KAZN: variants seen among roughly 807,000 people sequenced by gnomAD.
The protein encoded by KAZN is kazrin.
A neutral mutation model predicts 87.4 loss-of-function variants in KAZN; 40 were observed. That is an observed-to-expected ratio of 0.46 (90% CI 0.36 to 0.60). KAZN has a LOEUF of 0.60. Ranked by LOEUF, KAZN falls within the 20% of genes least tolerant of loss-of-function variation. KAZN has a pLI of 0.00. For missense variants in KAZN, 898 were observed against 1,073.9 expected (o/e 0.84, Z 2.29); for synonymous variants, 466 against 458.3 (o/e 1.02, Z -0.22).
chr1:14,599,188 C>T lies in KAZN; in HGVS notation c.191C>T (p.Ala64Val). Residue 64 changes from alanine to valine, a missense_variant, in exon 1 of 15, where the codon GCG becomes GTG. Physicochemically the swap from Ala to Val is moderately conservative, Grantham distance 64. Around this residue, in one of 3 missense-constraint regions of KAZN, gnomAD observed 250 missense variants for 263.0 expected, o/e 0.95. Coordinates refer to ENST00000376030, the MANE Select transcript of KAZN (RefSeq NM_201628.3). The surrounding 1 kb of genome is among the most constrained non-coding windows in gnomAD (Gnocchi z 4.4). ...GCCTCGGCGGCGGGGGACTCGGCGGCGACGAACATGGAGAACCCCCAGCTT... is the reference window on the plus strand; with the variant it reads ...GCCTCGGCGGCGGGGGACTCGGCGGTGACGAACATGGAGAACCCCCAGCTT... ...ASASAAGDSA[A>V]TNMENPQLGA... is the part of the protein sequence containing the mutation. 7.2e-7 allele frequency: 1 copy of T among 1,391,092 alleles called. No homozygotes were observed. The highest frequency in any genetic ancestry group is 9.3e-7 in the Non-Finnish European group (1 of 1,074,522). The allele number at this position is 1,391,092 out of a possible 1,614,324, so 86.2% of individuals were successfully genotyped here.
intron 1 of KAZN, among the ~76,000 whole-genome samples, chr1:14,896,509 T>C (rs1655293261): frequency 6.6e-6 from 1 of 152,216 alleles, no homozygotes; most frequent in Non-Finnish European, 1.5e-5. Context: ...TTGGTTAAAT[T>C]GGCTGGAATT....
intron 1 of KAZN, among the ~76,000 whole-genome samples, chr1:14,066,797 C>T (rs1015586874): frequency 3.3e-5 from 5 of 152,160 alleles, no homozygotes; most frequent in African/African-American, 4.8e-5. Context: ...CCAAATTCTG[C>T]CATCTGTACA....
At chr1:14,364,300 C>T (rs569339475) in intron 2 of KAZN, among the ~76,000 whole-genome samples, 3 of 152,228 alleles carry the variant, frequency 2.0e-5, no homozygotes, top group South Asian at 4.1e-4. Flanking sequence ...AAGGGGAACA[C>T]GATTTACTAA....
chr1:14,801,099 G>C (rs911012020), intron 1 of KAZN, among the ~76,000 whole-genome samples: 1 of 151,982 alleles, frequency 6.6e-6, no homozygotes, highest in Non-Finnish European at 1.5e-5. Flanking sequence ...GGGGCGCAGA[G>C]GGTGGTGATA....
intron 1 of KAZN, among the ~76,000 whole-genome samples, chr1:14,861,191 A>G (rs886518994): frequency 6.6e-6 from 1 of 152,214 alleles, no homozygotes; most frequent in African/African-American, 2.4e-5. Context: ...CAGCCTGGCC[A>G]ACATAGTGAA....
chr1:15,072,789 T>C (rs890178065), intron 8 of KAZN, among the ~76,000 whole-genome samples: 1 of 152,152 alleles, frequency 6.6e-6, no homozygotes, highest in Admixed American at 6.5e-5. Flanking sequence ...TCCATGTTCT[T>C]GGTAACTTTG....
chr1:14,498,002 C>A (rs545542482), intron 2 of KAZN, among the ~76,000 whole-genome samples: 4 of 152,164 alleles, frequency 2.6e-5, no homozygotes, highest in African/African-American at 9.7e-5. Flanking sequence ...AATTTCTATC[C>A]GGTTTCCCTT....
intron 2 of KAZN, among the ~76,000 whole-genome samples, chr1:14,217,947 A>T (rs1250509870): frequency 6.6e-6 from 1 of 152,164 alleles, no homozygotes; most frequent in African/African-American, 2.4e-5. Context: ...CTAAATTGAC[A>T]TTCACATGAA....
In KAZN at chr1:14,975,474, G is replaced by C. The variant is rs147388848; in HGVS notation, c.418+14599G>C. Among the ~76,000 whole-genome samples the C allele has an allele frequency of 2.0e-5, 3 of 152,256 alleles. No homozygotes were observed. The East Asian group carries it at 5.8e-4, about 29-fold the overall frequency. On this transcript the variant is annotated intron_variant, in intron 2 of 14. Transcript: ENST00000376030. ...AGAGGAACGTTCTAATTTCAGCTTA[G>C]GGCCTGGTGCTATGGCTGGGAAAAG... is the stretch of plus-strand genomic sequence containing the variant.
chr1:14,216,916 A>G (rs1483038008), intron 2 of KAZN, among the ~76,000 whole-genome samples: 1 of 152,196 alleles, frequency 6.6e-6, no homozygotes, highest in Non-Finnish European at 1.5e-5. Flanking sequence ...AAAAATAAAA[A>G]AAGTTTAAAA....
At chr1:14,861,183 GCCTGGCCAACATAGTGAAAC>G (rs1650804892) in intron 1 of KAZN, among the ~76,000 whole-genome samples, 1 of 152,216 alleles carries the variant, frequency 6.6e-6, no homozygotes, top group Non-Finnish European at 1.5e-5. Context: ...TTTGAGACCA[GCCTGGCCAACATAGTGAAAC>G]CCTGTCTCTA....
chr1:14,623,057 C>T (rs1157682598), intron 1 of KAZN, among the ~76,000 whole-genome samples: 1 of 152,024 alleles, frequency 6.6e-6, no homozygotes, highest in Non-Finnish European at 1.5e-5. Context: ...GACAATTTCT[C>T]ACAGAAAATC....
intron 1 of KAZN, among the ~76,000 whole-genome samples, chr1:13,942,929 T>C (rs1457515744): frequency 1.3e-5 from 2 of 152,100 alleles, no homozygotes; most frequent in Non-Finnish European, 2.9e-5. Context: ...AGTAGTAACC[T>C]ACATAGTGAA....
intron 2 of KAZN, among the ~76,000 whole-genome samples, chr1:14,542,282 C>A (rs1169306584): frequency 1.5e-4 from 16 of 104,546 alleles, no homozygotes; most frequent in Non-Finnish European, 2.7e-4. Flanking sequence ...CATCACACAC[C>A]GGGGACTGTT....
At chr1:14,459,660 G>A (rs1180473858) in intron 2 of KAZN, among the ~76,000 whole-genome samples, 2 of 152,144 alleles carry the variant, frequency 1.3e-5, no homozygotes, top group East Asian at 3.9e-4. Context: ...CAAGCCAAAT[G>A]TAAGCTGCAG....
chr1:14,927,049 G>A (rs1304745307), intron 1 of KAZN, among the ~76,000 whole-genome samples: 1 of 152,216 alleles, frequency 6.6e-6, no homozygotes, highest in East Asian at 1.9e-4. Context: ...GACTAGAGCA[G>A]GAGGTGCAGA....
At chr1:14,950,677 A>G (rs561720424) in intron 1 of KAZN, among the ~76,000 whole-genome samples, 45 of 152,264 alleles carry the variant, frequency 3.0e-4, no homozygotes, top group African/African-American at 9.4e-4. Context: ...GTAGAGAGCC[A>G]GTGTGGCTGC....
At chr1:14,755,067 C>T (rs1272448966) in intron 1 of KAZN, among the ~76,000 whole-genome samples, 1 of 139,058 alleles carries the variant, frequency 7.2e-6, no homozygotes, top group African/African-American at 2.8e-5. Context: ...CATGGAGAAA[C>T]CCCATCTCTA....
At chr1:14,880,613 G>T (rs1333266912) in intron 1 of KAZN, among the ~76,000 whole-genome samples, 1 of 152,144 alleles carries the variant, frequency 6.6e-6, no homozygotes, top group Admixed American at 6.5e-5. Flanking sequence ...CTCCTGCTGG[G>T]CTGGAAGTTC....
Sources: allele counts gnomAD v4.1 joint callset (sites outside exome capture counted in the v4.1 genomes callset), GRCh38; gene constraint gnomAD v4.1.1; regional missense constraint gnomAD v4.1.1; non-coding constraint Gnocchi (gnomAD v3.1); transcripts MANE v1.5; gene names NCBI Gene and HGNC (gene_info 2026-07-23, HGNC 2026-07-21).